The following GPC6 variants were observed in gnomAD, a reference collection of about 807,000 sequenced individuals.
GPC6 encodes glypican 6.
Under a neutral mutation model 55.2 loss-of-function variants are expected in GPC6, and 14 were observed. The observed-to-expected ratio is 0.25, with a 90% confidence interval of 0.17 to 0.40. The LOEUF is 0.40. GPC6 is among the 10% of genes least tolerant of loss of function. The pLI is 1.00. For synonymous variants in GPC6, 278 were observed against 259.6 expected, an observed-to-expected ratio of 1.07 and a Z score of -0.68; for missense variants, 641 against 708.5, an observed-to-expected ratio of 0.90 and a Z score of 1.08.
intron 3 of GPC6, among the ~76,000 whole-genome samples, chr13:93,932,725 A>T (rs995047648): frequency 1.3e-5 from 2 of 152,106 alleles, no homozygotes; most frequent in African/African-American, 4.8e-5. Context: ...CCAGTTACTT[A>T]AAGTTTCTGG....
chr13:94,285,712 C>T lies in GPC6; in HGVS notation c.878-637C>T, dbSNP rs574720881. Among the ~76,000 whole-genome samples, 6 of 152,260 alleles carry T rather than the reference C, an allele frequency of 3.9e-5. No homozygotes were observed. In the East Asian group the frequency reaches 1.2e-3, roughly 29 times the overall value. On this transcript the variant is annotated intron_variant, in intron 4 of 8. Transcript: ENST00000377047. ...AAGCAATACTGAGTTCATTTCAGTT[C>T]AGTGTAATTTCGTCAACTTTTTTGA... is the stretch of plus-strand genomic sequence containing the variant.
chr13:93,966,584 C>A (rs959790585), intron 3 of GPC6, among the ~76,000 whole-genome samples: 7 of 151,852 alleles, frequency 4.6e-5, no homozygotes, highest in Non-Finnish European at 8.8e-5. Flanking sequence ...TCTTGCCTAA[C>A]CTAGAACAGA....
chr13:94,001,887 CA>C (rs1439979195), intron 3 of GPC6, among the ~76,000 whole-genome samples: 3 of 152,054 alleles, frequency 2.0e-5, no homozygotes, highest in African/African-American at 7.2e-5. Flanking sequence ...TTCACTGAAC[CA>C]AAATGCTGGA....
At chr13:93,668,639 A>G (rs1031655640) in intron 2 of GPC6, among the ~76,000 whole-genome samples, 2 of 152,182 alleles carry the variant, frequency 1.3e-5, no homozygotes, top group Non-Finnish European at 2.9e-5. Context: ...GGAAGCAGAC[A>G]TTAGAGTGGT....
At chr13:94,027,673 C>T (rs983662284) in intron 3 of GPC6, 56 bp from the exon 4 acceptor site, 7 of 1,512,864 alleles carry the variant, frequency 4.6e-6, no homozygotes, top group Middle Eastern at 3.4e-4. Flanking sequence ...GTCTTTTTTT[C>T]CTCCTCTTTA....
At chr13:93,267,845 C>G (rs1360205398) in intron 1 of GPC6, among the ~76,000 whole-genome samples, 1 of 151,804 alleles carries the variant, frequency 6.6e-6, no homozygotes, top group Non-Finnish European at 1.5e-5. Context: ...TTTTTAGGGA[C>G]AGATGAAAAA....
rs1450036081 is a variant in GPC6, at chr13:94,111,851, C to T, written c.877+83957C>T. On this transcript the variant is annotated intron_variant, in intron 4 of 8. Coordinates refer to ENST00000377047, the MANE Select transcript of GPC6 (RefSeq NM_005708.5). ...GAATTCCCTTTGAAAAAGGAAGATA[C>T]CATTTACACTTACTTCTGAGAGATT... Among the ~76,000 whole-genome samples, 6 of 152,156 alleles carry T rather than the reference C, an allele frequency of 3.9e-5. No individual in the cohort carries two copies. In the East Asian group the frequency reaches 1.2e-3, roughly 29 times the overall value.
chr13:93,481,349 T>C (rs1879515126), intron 1 of GPC6, among the ~76,000 whole-genome samples: 1 of 152,160 alleles, frequency 6.6e-6, no homozygotes, highest in Admixed American at 6.5e-5. Flanking sequence ...CTTTAGTCAA[T>C]ATATAATTTG....
intron 6 of GPC6, among the ~76,000 whole-genome samples, chr13:94,376,722 A>T (rs1406879250): frequency 2.6e-5 from 4 of 152,204 alleles, no homozygotes; most frequent in Non-Finnish European, 4.4e-5. Context: ...ATGGAACCAA[A>T]AAAGAGCCCG....
intron 1 of GPC6, among the ~76,000 whole-genome samples, chr13:93,437,526 G>A (rs1020808256): frequency 6.6e-6 from 1 of 152,208 alleles, no homozygotes; most frequent in Non-Finnish European, 1.5e-5. Flanking sequence ...CAGTGGTCTG[G>A]ATAGACGATC....
At chr13:93,499,403 C>A (rs1374661572) in intron 1 of GPC6, among the ~76,000 whole-genome samples, 1 of 152,204 alleles carries the variant, frequency 6.6e-6, no homozygotes, top group Non-Finnish European at 1.5e-5. Context: ...CTGTCAAAGT[C>A]ATCAGTCAGC....
At chr13:93,766,242 A>C (rs533906495) in intron 2 of GPC6, among the ~76,000 whole-genome samples, 1 of 152,318 alleles carries the variant, frequency 6.6e-6, no homozygotes, top group East Asian at 1.9e-4. Context: ...ATAAAATTGA[A>C]GGAGATCTGC....
intron 1 of GPC6, among the ~76,000 whole-genome samples, chr13:93,269,648 G>A (rs1031429764): frequency 1.7e-4 from 26 of 151,726 alleles, no homozygotes; most frequent in African/African-American, 5.8e-4. Flanking sequence ...GTGGTAGGCC[G>A]GACACGGTGG....
intron 2 of GPC6, among the ~76,000 whole-genome samples, chr13:93,796,185 G>A (rs1054762542): frequency 3.3e-5 from 5 of 151,272 alleles, no homozygotes; most frequent in African/African-American, 1.2e-4. Context: ...GACACAGTGA[G>A]ACCCTGTTGA....
At chr13:93,922,816 C>T (rs1259523906) in intron 3 of GPC6, among the ~76,000 whole-genome samples, 4 of 152,142 alleles carry the variant, frequency 2.6e-5, no homozygotes, top group Non-Finnish European at 5.9e-5. Flanking sequence ...TTAGGCTAAG[C>T]CTCTAATCAA....
chr13:93,990,882 G>T (rs1236555264), intron 3 of GPC6, among the ~76,000 whole-genome samples: 1 of 144,736 alleles, frequency 6.9e-6, no homozygotes, highest in Non-Finnish European at 1.5e-5. Context: ...AGGGAGAAAA[G>T]AAAGAAAGAA....
intron 2 of GPC6, among the ~76,000 whole-genome samples, chr13:93,728,857 T>C (rs1883733278): frequency 1.3e-5 from 2 of 152,222 alleles, no homozygotes; most frequent in South Asian, 4.2e-4. Flanking sequence ...CGTGAGCCAC[T>C]GCGCCCAGCC....
chr13:94,157,990 G>C (rs892935083), intron 4 of GPC6, among the ~76,000 whole-genome samples: 1 of 152,126 alleles, frequency 6.6e-6, no homozygotes, highest in Non-Finnish European at 1.5e-5. Flanking sequence ...AAAGAACACA[G>C]AGTACCCATA....
intron 2 of GPC6, among the ~76,000 whole-genome samples, chr13:93,657,767 C>G (rs774984781): frequency 6.6e-6 from 1 of 151,798 alleles, no homozygotes; most frequent in Non-Finnish European, 1.5e-5. Context: ...AAAAACCAAA[C>G]AACCCCATTA....
Sources: gnomAD v4.1 joint callset for allele counts (sites outside exome capture counted in the v4.1 genomes callset) on GRCh38, gnomAD v4.1.1 for gene constraint, MANE v1.5 for transcripts, NCBI Gene and HGNC (gene_info 2026-07-23, HGNC 2026-07-21) for gene names.